The following PYHIN1 variants were observed in gnomAD, a reference collection of about 807,000 sequenced individuals.
PYHIN1 encodes the protein pyrin and HIN domain family member 1, also known as pyrin and HIN domain-containing protein 1.
In PYHIN1, 32 loss-of-function variants were observed where a neutral mutation model predicts 43.7. The ratio of observed to expected loss-of-function variants is 0.73; its 90% CI spans 0.55 to 0.98. The LOEUF (loss-of-function observed/expected upper bound fraction) is 0.98, where lower values mean the gene tolerates loss of function less well. Among genes scored for constraint, PYHIN1 ranks in the 50% least tolerant of loss-of-function variants. The pLI is 0.00. For missense variants in PYHIN1, 588 were observed against 589.5 expected (o/e 1.00, Z 0.03); for synonymous variants, 205 against 203.1 (o/e 1.01, Z -0.08).
intron 5 of PYHIN1, among the ~76,000 whole-genome samples, chr1:158,943,030 T>G (rs962175310): frequency 3.3e-5 from 5 of 152,208 alleles, no homozygotes; most frequent in Non-Finnish European, 5.9e-5. Flanking sequence ...AAAAATTTTC[T>G]GATATGTTAC....
At chr1:158,950,841 G>A (rs766466507) in intron 7 of PYHIN1, among the ~76,000 whole-genome samples, 6 of 152,270 alleles carry the variant, frequency 3.9e-5, no homozygotes, top group Non-Finnish European at 8.8e-5. Flanking sequence ...TTCCACATGT[G>A]ACAAAATTGT....
In PYHIN1 at chr1:158,967,141, ATT is replaced by A. The variant is rs1220098871; in HGVS notation, c.1360-6505_1360-6504del. 6.6e-5 allele frequency among the ~76,000 whole-genome samples: 10 copies of A among 151,834 alleles called. No homozygotes were observed. In the East Asian group the frequency reaches 1.9e-3, roughly 29 times the overall value. On this transcript the variant is annotated intron_variant, in intron 7 of 8. Transcript: ENST00000368140. ...GCCACAAAAATTGACAAAAGGATTT[ATT>A]GTATTCATCAAGGTTGGAAATCACC...
the PYHIN1 span, among the ~76,000 whole-genome samples, chr1:158,985,792 C>G: frequency 6.6e-6 from 1 of 152,112 alleles, no homozygotes; most frequent in Non-Finnish European, 1.5e-5. Context: ...TGATGCAAAT[C>G]AGTTGTAGGT....
chr1:158,970,303 G>T (rs1406804405), intron 7 of PYHIN1, among the ~76,000 whole-genome samples: 1 of 151,988 alleles, frequency 6.6e-6, no homozygotes, highest in Non-Finnish European at 1.5e-5. Flanking sequence ...ATTTGTTAAT[G>T]ATTTAGGGGG....
At chr1:158,950,389 A>G (rs1649462126) in intron 7 of PYHIN1, among the ~76,000 whole-genome samples, 1 of 152,124 alleles carries the variant, frequency 6.6e-6, no homozygotes, top group Non-Finnish European at 1.5e-5. Flanking sequence ...AGGAAGCCAC[A>G]TTGTCCAGGG....
Position 158,938,420 on chromosome 1 carries a change from C to G in PYHIN1, c.289C>G (p.Pro97Ala), listed in dbSNP as rs368112979. ...AGTTGCAAATAAAATTGAATCCATT[C>G]CAGTCAAAGGAATAATCCCATCTAA... is the stretch of plus-strand genomic sequence containing the variant. ...LKVANKIESI[P>A]VKGIIPSKKT... is the part of the protein sequence containing the mutation. The change falls in exon 3 of 9, where the codon CCA becomes GCA. Residue 97 changes from proline (P) to alanine (A), a missense_variant. Pro to Ala is a conservative substitution (Grantham distance 27). Transcript: ENST00000368140. 285 of 1,614,128 alleles carry G rather than the reference C, an allele frequency of 1.8e-4. 2 individuals carry two copies. In the South Asian group the frequency reaches 2.9e-3, roughly 16 times the overall value.
the PYHIN1 span, among the ~76,000 whole-genome samples, chr1:158,985,604 T>A: frequency 6.6e-6 from 1 of 152,214 alleles, no homozygotes; most frequent in Non-Finnish European, 1.5e-5. Context: ...TACCTTGATC[T>A]TGGAGAATTG....
Position 158,938,425 on chromosome 1 carries a change from C to T in PYHIN1, c.294C>T (p.Val98=). ...KVANKIESIP[V]KGIIPSKKTK... ...CAAATAAAATTGAATCCATTCCAGTCAAAGGAATAATCCCATCTAAAAAGA... is the reference window on the plus strand; with the variant it reads ...CAAATAAAATTGAATCCATTCCAGTTAAAGGAATAATCCCATCTAAAAAGA... The change falls in exon 3 of 9, where the codon GTC becomes GTT. Residue 98 remains valine, a synonymous_variant. Transcript: ENST00000368140. 1 of 1,614,128 alleles carries T rather than the reference C, an allele frequency of 6.2e-7. No individual in the cohort carries two copies. Among genetic ancestry groups the T allele is most frequent in the Non-Finnish European group, 8.5e-7 (1 of 1,179,984 alleles).
At chr1:158,942,461 A>T (rs909256779) in intron 5 of PYHIN1, 62 bp downstream of exon 5, 1 of 1,320,728 alleles carries the variant, frequency 7.6e-7, no homozygotes, top group Non-Finnish European at 1.0e-6. Context: ...AAAAGCCCTG[A>T]TGTGCTAAAT....
intron 7 of PYHIN1, among the ~76,000 whole-genome samples, chr1:158,954,797 A>T (rs1368924532): frequency 6.6e-6 from 1 of 151,480 alleles, no homozygotes; most frequent in Non-Finnish European, 1.5e-5. Flanking sequence ...ATTAAAAGAC[A>T]CAGACTGGCA....
At position 158,937,053 on chromosome 1, in the gene PYHIN1, T is replaced by A. The variant is rs1648596371; in HGVS notation, c.143T>A (p.Ile48Asn). The change falls in exon 2 of 9, where the codon ATT becomes AAT. Residue 48 changes from isoleucine to asparagine, a missense_variant. Coordinates refer to ENST00000368140, the MANE Select transcript of PYHIN1 (RefSeq NM_152501.5). ...AAAGAAGAGTATGACAAAATTCAGA[T>A]TGCTGACTTGATGGAGGAAAAGTTC... ...KMKEEYDKIQ[I>N]ADLMEEKFPG... The A allele has an allele frequency of 6.2e-7, 1 of 1,614,134 alleles. No individual in the cohort carries two copies. Among genetic ancestry groups the A allele is most frequent in the Non-Finnish European group, 8.5e-7 (1 of 1,180,010 alleles).
Position 158,944,922 on chromosome 1 carries a change from A to G in PYHIN1, c.1239A>G (p.Ala413=). 6.2e-7 allele frequency: 1 copy of G among 1,613,462 alleles called. No homozygotes were observed. The highest frequency in any genetic ancestry group is 8.5e-7 in the Non-Finnish European group (1 of 1,179,604). ...GAAGCCATGACTCCAGGAGCATGGC[A>G]CTACCCCAGGAACAGAGTCAGCATC... The part of the protein sequence containing the change: ...NQRSHDSRSM[A]LPQEQSQHPK... The change falls in exon 7 of 9, where the codon GCA becomes GCG. Residue 413 remains alanine (A), a synonymous_variant. Transcript: ENST00000368140.
At chr1:158,936,494 C>A (rs999776833) in intron 1 of PYHIN1, among the ~76,000 whole-genome samples, 8 of 152,010 alleles carry the variant, frequency 5.3e-5, no homozygotes, top group Non-Finnish European at 1.0e-4. Flanking sequence ...AAAGCTTATC[C>A]ACCATGATCA....
At chr1:158,935,262 G>GT (rs1407974638) in intron 1 of PYHIN1, among the ~76,000 whole-genome samples, 2 of 147,410 alleles carry the variant, frequency 1.4e-5, no homozygotes, top group Non-Finnish European at 3.0e-5. Context: ...CTTCTGAAAT[G>GT]TAAGATATAA....
intron 7 of PYHIN1, among the ~76,000 whole-genome samples, chr1:158,962,308 C>T (rs968183488): frequency 6.2e-4 from 94 of 152,118 alleles, no homozygotes; most frequent in Non-Finnish European, 1.5e-4. Flanking sequence ...GGATGGAGCT[C>T]CTAGAGGGAA....
intron 1 of PYHIN1, among the ~76,000 whole-genome samples, chr1:158,936,259 G>A (rs1648537291): frequency 7.8e-6 from 1 of 128,036 alleles, no homozygotes. Context: ...CCCGTCCTGT[G>A]TCCATGTGTT....
At chr1:158,932,283 G>A (rs749921552) in intron 1 of PYHIN1, among the ~76,000 whole-genome samples, 19 of 152,096 alleles carry the variant, frequency 1.2e-4, no homozygotes, top group East Asian at 5.8e-4. Flanking sequence ...AGATGGGAAC[G>A]GTAGACGCTG....
chr1:158,965,342 A>C (rs1650572834), intron 7 of PYHIN1, among the ~76,000 whole-genome samples: 1 of 151,120 alleles, frequency 6.6e-6, no homozygotes, highest in Non-Finnish European at 1.5e-5. Context: ...TCAGGCAAAC[A>C]AAAAAAAATA....
At chr1:158,990,130 T>C in the PYHIN1 span, among the ~76,000 whole-genome samples, 1 of 152,226 alleles carries the variant, frequency 6.6e-6, no homozygotes, top group Non-Finnish European at 1.5e-5. Context: ...CCAAATTTAA[T>C]TTTTTAAGGC....
Sources: gnomAD v4.1 joint callset for allele counts (sites outside exome capture counted in the v4.1 genomes callset) on GRCh38, gnomAD v4.1.1 for gene constraint, MANE v1.5 for transcripts, NCBI Gene and HGNC (gene_info 2026-07-23, HGNC 2026-07-21) for gene names.